The following DMD variants were observed in gnomAD, a reference collection of about 807,000 sequenced individuals.
The protein encoded by DMD is mutant dystrophin.
In DMD, 63 loss-of-function variants were observed where a neutral mutation model predicts 330.1. The ratio of observed to expected loss-of-function variants is 0.19; its 90% CI spans 0.16 to 0.24. DMD has a LOEUF of 0.24. Among genes scored for constraint, DMD ranks in the 10% least tolerant of loss-of-function variants. The pLI is 1.00. For missense variants in DMD, 3,344 were observed against 2,684.1 expected (o/e 1.25, Z -5.43); for synonymous variants, 1,223 against 959.8 (o/e 1.27, Z -5.07).
chrX:31,606,732 A>G (rs920796209), intron 55 of DMD, among the ~76,000 whole-genome samples: 2 of 112,363 alleles, frequency 1.8e-5, no homozygotes, highest in African/African-American at 6.4e-5. Flanking sequence ...TATATAAAAC[A>G]AAACAGCTTT....
chrX:33,210,752 C>T (rs1388050378), intron 1 of DMD, among the ~76,000 whole-genome samples: 1 of 111,598 alleles, frequency 9.0e-6, no homozygotes, highest in Non-Finnish European at 1.9e-5. Context: ...ATACTTTTCA[C>T]ATCCTTCAAT....
intron 7 of DMD, among the ~76,000 whole-genome samples, chrX:32,798,089 T>C (rs973087074): frequency 8.9e-6 from 1 of 111,732 alleles, no homozygotes; most frequent in African/African-American, 3.3e-5. Context: ...TGACAAATCA[T>C]AGAAGAATGT....
At chrX:32,536,823 A>C (rs1569153595) in intron 17 of DMD, among the ~76,000 whole-genome samples, 1 of 111,696 alleles carries the variant, frequency 9.0e-6, no homozygotes, top group Non-Finnish European at 1.9e-5. Flanking sequence ...AAGATCACAA[A>C]AGAATTTCTA....
chrX:32,107,311 T>C (rs1333687488), intron 44 of DMD, among the ~76,000 whole-genome samples: 1 of 102,484 alleles, frequency 9.8e-6, no homozygotes, highest in Non-Finnish European at 2.0e-5. Context: ...AATAAGAGAA[T>C]ATGTATACAC....
intron 45 of DMD, among the ~76,000 whole-genome samples, chrX:31,951,215 C>G (rs941753008): frequency 1.1e-5 from 1 of 90,690 alleles, no homozygotes; most frequent in Non-Finnish European, 2.1e-5. Context: ...TACATATAAC[C>G]TGGAGGTAAT....
At chrX:31,237,661 G>C (rs2047859814) in intron 63 of DMD, among the ~76,000 whole-genome samples, 1 of 112,120 alleles carries the variant, frequency 8.9e-6, no homozygotes, top group African/African-American at 3.2e-5. Flanking sequence ...TGTGTATCTG[G>C]ACAATACATT....
At chrX:31,417,514 C>A (rs1365444968) in intron 60 of DMD, among the ~76,000 whole-genome samples, 1 of 109,959 alleles carries the variant, frequency 9.1e-6, no homozygotes, top group Non-Finnish European at 1.9e-5. Context: ...TGGCACCAAG[C>A]CTATAATTTC....
intron 43 of DMD, among the ~76,000 whole-genome samples, chrX:32,266,258 G>T (rs1015972844): frequency 2.7e-5 from 3 of 111,386 alleles, no homozygotes; most frequent in African/African-American, 6.5e-5. Flanking sequence ...ATATGAAGAA[G>T]GATGTGATTG....
intron 60 of DMD, among the ~76,000 whole-genome samples, chrX:31,416,143 T>C (rs911182858): frequency 8.9e-6 from 1 of 111,911 alleles, no homozygotes; most frequent in African/African-American, 3.2e-5. Context: ...TTGAGGCAAA[T>C]GGTTATTTTA....
intron 12 of DMD, among the ~76,000 whole-genome samples, chrX:32,601,074 C>G (rs767332214): frequency 5.4e-5 from 6 of 110,824 alleles, no homozygotes; most frequent in Admixed American, 9.6e-5. Context: ...TCCTCTATGC[C>G]CCATTCCTTC....
chrX:32,411,917 A>T lies in DMD; in HGVS notation c.4072-4T>A, dbSNP rs755064178. On this transcript the variant is annotated splice_polypyrimidine_tract_variant and splice_region_variant and intron_variant, in intron 29 of 78. Transcript: ENST00000357033. ...GCAACTTTTGCCTCCTTACAGCCTA[A>T]AAAGAAGGAATAAGAGTGTATCAGT... 1 of 1,209,923 alleles carries T rather than the reference A, an allele frequency of 8.3e-7. No individual in the cohort carries two copies. Among genetic ancestry groups the T allele is most frequent in the Non-Finnish European group, 1.1e-6 (1 of 894,302 alleles).
At chrX:31,897,481 C>T (rs1239084338) in intron 47 of DMD, among the ~76,000 whole-genome samples, 1 of 98,551 alleles carries the variant, frequency 1.0e-5, no homozygotes, top group Admixed American at 1.1e-4. Context: ...AGTTCTAGAT[C>T]CCTGAGGAAT....
chrX:32,769,410 G>A (rs887320320), intron 7 of DMD, among the ~76,000 whole-genome samples: 1 of 111,214 alleles, frequency 9.0e-6, no homozygotes, highest in Non-Finnish European at 1.9e-5. Context: ...CCTCCCACTG[G>A]GCCACTCCCA....
At chrX:32,314,098 T>C (rs1051087890) in intron 41 of DMD, among the ~76,000 whole-genome samples, 2 of 111,860 alleles carry the variant, frequency 1.8e-5, no homozygotes, top group African/African-American at 6.5e-5. Context: ...AAGAAAATCC[T>C]AAGCAAGAAT....
At chrX:32,090,710 C>T (rs2096468546) in intron 44 of DMD, among the ~76,000 whole-genome samples, 1 of 111,288 alleles carries the variant, frequency 9.0e-6, no homozygotes, top group South Asian at 3.8e-4. Flanking sequence ...AAAGGTAGTA[C>T]AAGTAATGTG....
At chrX:31,282,439 T>A (rs865916930) in intron 62 of DMD, among the ~76,000 whole-genome samples, 39 of 110,963 alleles carry the variant, frequency 3.5e-4, no homozygotes, top group African/African-American at 1.2e-3. Context: ...CTCAATGCTA[T>A]AAATGAACAC....
At chrX:31,239,302 C>T (rs2048025485) in intron 63 of DMD, among the ~76,000 whole-genome samples, 1 of 112,096 alleles carries the variant, frequency 8.9e-6, no homozygotes, top group South Asian at 3.7e-4. Context: ...GAAATTTTAA[C>T]TCTACCTTTT....
At chrX:31,331,321 A>G (rs2057109226) in intron 61 of DMD, among the ~76,000 whole-genome samples, 1 of 111,049 alleles carries the variant, frequency 9.0e-6, no homozygotes, top group Non-Finnish European at 1.9e-5. Flanking sequence ...AGTTCATACT[A>G]AAATTCTTGG....
At chrX:32,565,965 G>C in intron 15 of DMD, 84 bp from the exon 16 acceptor site, 1 of 861,613 alleles carries the variant, frequency 1.2e-6, no homozygotes, top group Non-Finnish European at 1.7e-6. Context: ...GCGTGTATTT[G>C]CTCATTTGCA....
Sources: gnomAD v4.1 joint callset for allele counts (sites outside exome capture counted in the v4.1 genomes callset) on GRCh38, gnomAD v4.1.1 for gene constraint, MANE v1.5 for transcripts, NCBI Gene and HGNC (gene_info 2026-07-23, HGNC 2026-07-21) for gene names.